LRBA: variants seen among roughly 807,000 people sequenced by gnomAD.
The protein encoded by LRBA is lipopolysaccharide-responsive and beige-like anchor protein.
Under a neutral mutation model 330.0 loss-of-function variants are expected in LRBA, and 176 were observed. The ratio of observed to expected loss-of-function variants is 0.53; its 90% CI spans 0.47 to 0.60. LRBA has a LOEUF of 0.60. LRBA is among the 20% of genes least tolerant of loss of function. LRBA has a pLI of 0.00. For missense variants in LRBA, 3,259 were observed against 3,444.8 expected, an observed-to-expected ratio of 0.95 and a Z score of 1.35; for synonymous variants, 1,230 against 1,193.0, an observed-to-expected ratio of 1.03 and a Z score of -0.64.
chr4:150,631,352 C>A (rs1197897443), intron 37 of LRBA, among the ~76,000 whole-genome samples: 1 of 151,964 alleles, frequency 6.6e-6, no homozygotes, highest in Non-Finnish European at 1.5e-5. Flanking sequence ...AAAAAAGGGA[C>A]TTGTTTCTCG....
chr4:150,502,555 TA>T (rs1395294315), intron 40 of LRBA, among the ~76,000 whole-genome samples: 1 of 152,144 alleles, frequency 6.6e-6, no homozygotes, highest in Non-Finnish European at 1.5e-5. Context: ...ACAGAATTTT[TA>T]GAAAAAGACA....
chr4:150,331,461 T>C (rs1733987333), intron 48 of LRBA, among the ~76,000 whole-genome samples: 1 of 152,190 alleles, frequency 6.6e-6, no homozygotes, highest in Non-Finnish European at 1.5e-5. Context: ...TTTTTTGTTA[T>C]GGAATAGGAT....
intron 17 of LRBA, among the ~76,000 whole-genome samples, chr4:150,885,612 C>A (rs1728865135): frequency 6.6e-6 from 1 of 151,736 alleles, no homozygotes; most frequent in African/African-American, 2.4e-5. Flanking sequence ...CAGAGGGAGA[C>A]TCTGTCTCAA....
At chr4:150,834,046 A>G (rs1234749267) in intron 28 of LRBA, among the ~76,000 whole-genome samples, 2 of 152,188 alleles carry the variant, frequency 1.3e-5, no homozygotes, top group South Asian at 2.1e-4. Flanking sequence ...CATTGTAGGA[A>G]TTCAATCACA....
chr4:150,487,058 T>C (rs1413180773), intron 42 of LRBA, among the ~76,000 whole-genome samples: 2 of 151,836 alleles, frequency 1.3e-5, no homozygotes, highest in Non-Finnish European at 2.9e-5. Flanking sequence ...TACGTTGATT[T>C]CTGTATCTTG....
chr4:150,903,753 G>C (rs1731015699), intron 13 of LRBA, among the ~76,000 whole-genome samples: 1 of 152,092 alleles, frequency 6.6e-6, no homozygotes, highest in African/African-American at 2.4e-5. Flanking sequence ...GAATTTAGTA[G>C]CAACGTATAG....
chr4:150,739,808 C>T (rs1304141575), intron 35 of LRBA, among the ~76,000 whole-genome samples: 1 of 152,148 alleles, frequency 6.6e-6, no homozygotes, highest in African/African-American at 2.4e-5. Context: ...CTCAGTCTAA[C>T]GACTCAAAAG....
chr4:150,506,885 G>T (rs1761160315), intron 40 of LRBA, among the ~76,000 whole-genome samples: 2 of 152,154 alleles, frequency 1.3e-5, no homozygotes, highest in Non-Finnish European at 2.9e-5. Context: ...CAAAGTCTCA[G>T]GATATAAAAT....
chr4:150,792,028 C>CAAAAAAA (rs11389573), intron 34 of LRBA, among the ~76,000 whole-genome samples: 11 of 46,258 alleles, frequency 2.4e-4, no homozygotes, highest in African/African-American at 6.1e-4. Flanking sequence ...GGCTCCATCT[C>CAAAAAAA]AAAAAAAAAA....
chr4:150,677,703 C>T (rs1176267553), intron 37 of LRBA, among the ~76,000 whole-genome samples: 1 of 151,536 alleles, frequency 6.6e-6, no homozygotes, highest in African/African-American at 2.4e-5. Context: ...TCAGGAGAGG[C>T]TGAAGTGGGA....
intron 40 of LRBA, among the ~76,000 whole-genome samples, chr4:150,520,360 T>C (rs1439892313): frequency 6.6e-6 from 1 of 152,188 alleles, no homozygotes; most frequent in African/African-American, 2.4e-5. Context: ...ATCAAAGAAC[T>C]TGTCATATCT....
chr4:151,014,620 A>G lies in LRBA; in HGVS notation c.23T>C (p.Val8Ala). 1 of 1,605,528 alleles carries G rather than the reference A, an allele frequency of 6.2e-7. No homozygotes were observed. Among genetic ancestry groups the G allele is most frequent in the Non-Finnish European group, 8.5e-7 (1 of 1,175,580 alleles). The change falls in exon 2 of 57, where the codon GTC becomes GCC. Residue 8 changes from valine to alanine, a missense_variant. By Grantham distance (64) the Val-to-Ala change is moderately conservative. Transcript: ENST00000651943. The stretch of plus-strand genomic sequence containing the variant: ...ATCACCTGTTGGTGGCGGGGAAGGG[A>G]CACGATTGTCTTCGCTAGCCATTGC... MASEDNRVPSPPPTGDDG... is the reference protein window; with the variant it reads MASEDNRAPSPPPTGDDG...
chr4:150,635,275 G>A (rs912641319), intron 37 of LRBA, among the ~76,000 whole-genome samples: 2 of 152,146 alleles, frequency 1.3e-5, no homozygotes, highest in Non-Finnish European at 2.9e-5. Flanking sequence ...TGTGACAATG[G>A]TACCAAATCT....
intron 2 of LRBA, among the ~76,000 whole-genome samples, chr4:150,956,029 T>A (rs1390100451): frequency 6.7e-6 from 1 of 148,902 alleles, no homozygotes; most frequent in African/African-American, 2.6e-5. Flanking sequence ...AAAATGAAAT[T>A]AACAATATAA....
intron 17 of LRBA, among the ~76,000 whole-genome samples, chr4:150,886,102 G>GA (rs1360913929): frequency 6.6e-6 from 1 of 152,020 alleles, no homozygotes; most frequent in African/African-American, 2.4e-5. Flanking sequence ...AATTATAGGG[G>GA]AAAAAAACAC....
At chr4:150,324,650 C>T (rs1044781067) in intron 49 of LRBA, among the ~76,000 whole-genome samples, 3 of 151,900 alleles carry the variant, frequency 2.0e-5, no homozygotes, top group African/African-American at 7.3e-5. Flanking sequence ...AGGGCCTCCT[C>T]TCTATTTCTT....
chr4:150,380,247 C>T (rs564373177), intron 47 of LRBA, among the ~76,000 whole-genome samples: 4 of 151,988 alleles, frequency 2.6e-5, no homozygotes, highest in South Asian at 2.1e-4. Flanking sequence ...TCCTCAATGG[C>T]GCAGGGTCAA....
intron 36 of LRBA, among the ~76,000 whole-genome samples, chr4:150,720,224 T>C (rs1056237427): frequency 6.6e-6 from 1 of 152,086 alleles, no homozygotes; most frequent in Non-Finnish European, 1.5e-5. Context: ...TATACAAACA[T>C]ATAGCACCAA....
At chr4:150,603,264 C>T (rs1774301528) in intron 37 of LRBA, among the ~76,000 whole-genome samples, 1 of 148,374 alleles carries the variant, frequency 6.7e-6, no homozygotes, top group African/African-American at 2.6e-5. Flanking sequence ...ATATTATAAT[C>T]TTTCTAATTA....
Sources: allele counts gnomAD v4.1 joint callset (sites outside exome capture counted in the v4.1 genomes callset), GRCh38; gene constraint gnomAD v4.1.1; transcripts MANE v1.5; gene names NCBI Gene and HGNC (gene_info 2026-07-23, HGNC 2026-07-21).